SCMH1: variants seen among roughly 807,000 people sequenced by gnomAD.
The protein encoded by SCMH1 is polycomb protein SCMH1.
Under a neutral mutation model 70.8 loss-of-function variants are expected in SCMH1, and 37 were observed. That is an observed-to-expected ratio of 0.52 (90% confidence interval 0.40 to 0.69). The LOEUF (loss-of-function observed/expected upper bound fraction) is 0.69, where lower values mean the gene tolerates loss of function less well. Among genes scored for constraint, SCMH1 ranks in the 30% least tolerant of loss-of-function variants. The pLI is 0.00. For synonymous variants in SCMH1, 292 were observed against 307.4 expected (o/e 0.95, Z 0.52); for missense variants, 607 against 827.3 (o/e 0.73, Z 3.27).
At chr1:41,103,716 C>T (rs1056329958) in intron 8 of SCMH1, among the ~76,000 whole-genome samples, 4 of 152,130 alleles carry the variant, frequency 2.6e-5, no homozygotes, top group Non-Finnish European at 1.5e-5. Context: ...TTATACATGT[C>T]GAAAACTGCT....
chr1:41,188,038 C>T (rs1650725282), intron 1 of SCMH1, among the ~76,000 whole-genome samples: 1 of 152,010 alleles, frequency 6.6e-6, no homozygotes, highest in Admixed American at 6.6e-5. Flanking sequence ...GTATAATCTT[C>T]TTGGAGGATG....
Position 41,113,773 on chromosome 1 carries a change from T to C in SCMH1, c.502-247A>G, listed in dbSNP as rs1572244565. 6.6e-6 allele frequency among the ~76,000 whole-genome samples: 1 copy of C among 152,210 alleles called. No homozygotes were observed. The highest frequency in any genetic ancestry group is 1.5e-5 in the Non-Finnish European group (1 of 68,042). ...AGGAAATAAAAGGTTGCAGATAAAG[T>C]TGAATCTCCCTTTCTGCCCTTCCCA... is the stretch of plus-strand genomic sequence containing the variant. On this transcript the variant is annotated intron_variant, in intron 7 of 14. Transcript: ENST00000337495. This position sits in a 1 kb window ranked among gnomAD's most constrained non-coding sequence, Gnocchi z 4.3.
intron 1 of SCMH1, among the ~76,000 whole-genome samples, chr1:41,190,293 G>A (rs1651372730): frequency 6.6e-6 from 1 of 152,148 alleles, no homozygotes; most frequent in South Asian, 2.1e-4. Context: ...ATATCTGGAG[G>A]GATTTCATGT....
At chr1:41,159,782 A>G (rs1645868337) in intron 4 of SCMH1, 2 of 1,500,966 alleles carry the variant, frequency 1.3e-6, no homozygotes, top group African/African-American at 2.8e-5. Flanking sequence ...GCTTCACTTC[A>G]AAGAATGTCA....
Position 41,042,612 on chromosome 1 carries a change from C to T in SCMH1, c.1498+3795G>A, listed in dbSNP as rs115505957. Among the ~76,000 whole-genome samples, 1,342 of 151,890 alleles carry T rather than the reference C, an allele frequency of 8.8e-3. 14 individuals carry two copies. The highest frequency in any genetic ancestry group is 0.013 in the Non-Finnish European group (913 of 67,940). ...CACATGCATAGTTCTGAAGAAGAGA[C>T]TCTGCTCTGACATTGCCTCCCCCAG... On this transcript the variant is annotated intron_variant, in intron 12 of 14. Coordinates refer to ENST00000337495, the Ensembl canonical transcript of SCMH1.
chr1:41,052,398 A>C (rs1250502241), intron 10 of SCMH1, among the ~76,000 whole-genome samples: 2 of 152,232 alleles, frequency 1.3e-5, no homozygotes, highest in Non-Finnish European at 2.9e-5. Flanking sequence ...CCTTATGAGA[A>C]TCTAATTAAT....
intron 10 of SCMH1, among the ~76,000 whole-genome samples, chr1:41,054,290 C>A (rs1447449656): frequency 6.6e-6 from 1 of 152,102 alleles, no homozygotes; most frequent in African/African-American, 2.4e-5. Context: ...CTGATGAACT[C>A]AAGGAAATAG....
intron 1 of SCMH1, among the ~76,000 whole-genome samples, chr1:41,229,173 G>A (rs796304707): frequency 1.2e-4 from 18 of 151,420 alleles, no homozygotes; most frequent in African/African-American, 4.1e-4. Flanking sequence ...TCCAGCCTAG[G>A]CAACAAGAGC....
intron 9 of SCMH1, among the ~76,000 whole-genome samples, chr1:41,071,884 A>G (rs1364336933): frequency 6.6e-6 from 1 of 152,114 alleles, no homozygotes; most frequent in Non-Finnish European, 1.5e-5. Flanking sequence ...GCTGGTCTCG[A>G]ACTTCTCCTG....
chr1:41,200,091 G>A (rs561253605), intron 1 of SCMH1, among the ~76,000 whole-genome samples: 232 of 152,264 alleles, frequency 1.5e-3, no homozygotes, highest in African/African-American at 5.2e-3. Context: ...ATTGGCACTG[G>A]CTTTCAGATC....
At chr1:41,048,705 C>T in exon 11 of SCMH1, 3 of 1,614,046 alleles carry the variant, frequency 1.9e-6, no homozygotes, top group Non-Finnish European at 2.5e-6. Flanking sequence ...ATAACCTCAC[C>T]ACCATGGCCT....
chr1:41,238,956 C>G (rs1662939087), intron 1 of SCMH1, among the ~76,000 whole-genome samples: 1 of 152,178 alleles, frequency 6.6e-6, no homozygotes, highest in African/African-American at 2.4e-5. Flanking sequence ...ACCTGAGCAT[C>G]ACACGGGACT....
chr1:41,055,450 C>T (rs372190510), intron 10 of SCMH1, among the ~76,000 whole-genome samples: 10 of 152,104 alleles, frequency 6.6e-5, no homozygotes, highest in Admixed American at 2.6e-4. Flanking sequence ...CCTGGGTTCA[C>T]GCCATTCTCC....
intron 10 of SCMH1, among the ~76,000 whole-genome samples, chr1:41,052,046 T>C (rs1361570794): frequency 6.6e-6 from 1 of 152,248 alleles, no homozygotes; most frequent in East Asian, 1.9e-4. Flanking sequence ...GTATCCTTTT[T>C]ATCTTTATAC....
chr1:41,231,264 A>T (rs180873269), intron 1 of SCMH1, among the ~76,000 whole-genome samples: 1 of 152,352 alleles, frequency 6.6e-6, no homozygotes, highest in African/African-American at 2.4e-5. Flanking sequence ...ATCTATCAAC[A>T]AACTGCAGTT....
chr1:41,035,800 T>C (rs1474013245), intron 13 of SCMH1, among the ~76,000 whole-genome samples: 1 of 152,108 alleles, frequency 6.6e-6, no homozygotes, highest in East Asian at 1.9e-4. Flanking sequence ...CCAGCCTTTT[T>C]TTTCTCATCA....
At chr1:41,137,149 C>CT (rs1553148224) in intron 6 of SCMH1, among the ~76,000 whole-genome samples, 3 of 151,894 alleles carry the variant, frequency 2.0e-5, no homozygotes, top group Admixed American at 1.3e-4. Context: ...TTTCCTTTAT[C>CT]TTTTTTTTCT....
intron 2 of SCMH1, among the ~76,000 whole-genome samples, chr1:41,177,632 G>A (rs1483693357): frequency 6.6e-6 from 1 of 152,108 alleles, no homozygotes; most frequent in African/African-American, 2.4e-5. Context: ...TGGAAGAAAG[G>A]GTACCAGTGA....
chr1:41,057,621 AAC>A (rs964491474), intron 10 of SCMH1, among the ~76,000 whole-genome samples: 4 of 152,260 alleles, frequency 2.6e-5, no homozygotes, highest in African/African-American at 9.6e-5. Context: ...AAGGACAAAA[AAC>A]ACAGTTTGAA....
Sources: gnomAD v4.1 joint callset for allele counts (sites outside exome capture counted in the v4.1 genomes callset) on GRCh38, gnomAD v4.1.1 for gene constraint, Gnocchi (gnomAD v3.1) non-coding constraint, MANE v1.5 for transcripts, NCBI Gene and HGNC (gene_info 2026-07-23, HGNC 2026-07-21) for gene names.